The following PAPOLA variants were observed in gnomAD, a reference collection of about 807,000 sequenced individuals.
PAPOLA encodes the protein poly(A) polymerase alpha, also known as polynucleotide adenylyltransferase alpha.
In PAPOLA, 15 loss-of-function variants were observed where a neutral mutation model predicts 100.6. The observed-to-expected ratio is 0.15, with a 90% CI of 0.10 to 0.23. The LOEUF is 0.23. Ranked by LOEUF, PAPOLA falls within the 10% of genes least tolerant of loss-of-function variation. The probability of loss-of-function intolerance (pLI) is 1.00; values close to 1 mark genes in which losing one functional copy is unlikely to be tolerated. For missense variants in PAPOLA, 533 were observed against 884.2 expected, an observed-to-expected ratio of 0.60 and a Z score of 5.04; for synonymous variants, 293 against 300.0, an observed-to-expected ratio of 0.98 and a Z score of 0.24.
At chr14:96,512,405 T>G (rs1479594690) in intron 1 of PAPOLA, among the ~76,000 whole-genome samples, 1 of 152,202 alleles carries the variant, frequency 6.6e-6, no homozygotes, top group Non-Finnish European at 1.5e-5. Context: ...TTTATCTATA[T>G]GACTACATAT....
intron 4 of PAPOLA, chr14:96,527,214 A>G (rs980206918): frequency 8.2e-6 from 4 of 486,226 alleles, no homozygotes; most frequent in Non-Finnish European, 1.1e-5. Context: ...TACTTGGGCC[A>G]CTATAAATAG....
At position 96,565,725 on chromosome 14, in the gene PAPOLA, A is replaced by G. The variant is rs1051118290; in HGVS notation, c.*675A>G. The G allele has an allele frequency of 5.0e-6, 2 of 397,848 alleles. No individual in the cohort carries two copies. Among genetic ancestry groups the G allele is most frequent in the African/African-American group, 2.1e-5 (1 of 48,582 alleles). The allele number at this position is 397,848 out of a possible 1,614,324, so 24.6% of individuals were successfully genotyped here. A position where few individuals can be genotyped will look rare whatever the true frequency, so the allele number is the denominator to read the frequency against. The stretch of plus-strand genomic sequence containing the variant: ...ATGATATATTGGTTTTATTTATGGA[A>G]TTGTTTTATAGTGCATACAAATCAG... On this transcript the variant is annotated 3_prime_UTR_variant, in exon 22 of 22. Transcript: ENST00000216277.
rs985654983 is a variant in PAPOLA, at chr14:96,502,924, A to G, written c.8+324A>G. 2.3e-5 allele frequency: 8 copies of G among 353,256 alleles called. No individual in the cohort carries two copies. The East Asian group carries it at 2.6e-4, about 12-fold the overall frequency. 21.9% of individuals were successfully genotyped at this position (353,256 alleles called of 1,614,324 possible). A position where few individuals can be genotyped will look rare whatever the true frequency, so the allele number is the denominator to read the frequency against. On this transcript the variant is annotated intron_variant, in intron 1 of 21. Transcript: ENST00000216277. ...TCCGCCCCGTCCACAAAGAAAATCAAAACAACCCGAAAACAAAACATTGCC... is the reference window on the plus strand; with the variant it reads ...TCCGCCCCGTCCACAAAGAAAATCAGAACAACCCGAAAACAAAACATTGCC...
chr14:96,561,380 A>G (rs914656389), intron 20 of PAPOLA, among the ~76,000 whole-genome samples: 5 of 152,128 alleles, frequency 3.3e-5, no homozygotes, highest in Admixed American at 2.6e-4. Flanking sequence ...TATGATGGAT[A>G]TTTTAACAAA....
intron 6 of PAPOLA, among the ~76,000 whole-genome samples, chr14:96,530,666 G>A (rs1025532106): frequency 1.3e-5 from 2 of 151,906 alleles, no homozygotes; most frequent in South Asian, 4.2e-4. Flanking sequence ...GACTACCGGC[G>A]GGAGCCACTA....
chr14:96,531,887 T>G, intron 7 of PAPOLA: 1 of 1,364,902 alleles, frequency 7.3e-7, no homozygotes. Flanking sequence ...CAAATTAATT[T>G]TGATCCTGTT....
rs562581383 is a variant in PAPOLA at position 96,532,306 on chromosome 14, G to GTTT, written c.608-18_608-16dup. 22 of 1,250,430 alleles carry GTTT rather than the reference G, an allele frequency of 1.8e-5. No individual in the cohort carries two copies. The Admixed American group carries it at 1.9e-4, about 11-fold the overall frequency. The allele number at this position is 1,250,430 out of a possible 1,614,324, so 77.5% of individuals were successfully genotyped here. On this transcript the variant is annotated intron_variant, in intron 7 of 21. Coordinates refer to ENST00000216277, the MANE Select transcript of PAPOLA (RefSeq NM_032632.5). ...GTTTTGTGTGTGTGTGTGTGTGTGT[G>GTTT]TTTTTTTTTACCCCTATTAATTAGG...
At chr14:96,519,879 G>A (rs1197881712) in intron 1 of PAPOLA, among the ~76,000 whole-genome samples, 176 bp from the exon 2 acceptor site, 2 of 152,180 alleles carry the variant, frequency 1.3e-5, no homozygotes, top group African/African-American at 4.8e-5. Context: ...CCTTGGGGCA[G>A]GATTTTCTCT....
At chr14:96,561,519 C>G (rs978207612) in intron 20 of PAPOLA, among the ~76,000 whole-genome samples, 1 of 152,112 alleles carries the variant, frequency 6.6e-6, no homozygotes, top group East Asian at 1.9e-4. Flanking sequence ...TCATAGAATG[C>G]TGTCTTAAGG....
At chr14:96,521,489 ATTTT>A (rs1215850294) in intron 3 of PAPOLA, among the ~76,000 whole-genome samples, 1 of 151,934 alleles carries the variant, frequency 6.6e-6, no homozygotes, top group Non-Finnish European at 1.5e-5. Context: ...TTATTTATTT[ATTTT>A]TTATTTATTT....
chr14:96,535,059 ATGGT>A (rs767960487), intron 10 of PAPOLA: 64 of 981,266 alleles, frequency 6.5e-5, no homozygotes, highest in Non-Finnish European at 7.6e-5. Flanking sequence ...TTATAAAAAC[ATGGT>A]TGGGCTAAAG....
chr14:96,528,887 A>T (rs1278872581), intron 6 of PAPOLA, among the ~76,000 whole-genome samples: 3 of 152,230 alleles, frequency 2.0e-5, no homozygotes. Context: ...TATCAAGTTC[A>T]TGTAGTTTTG....
In PAPOLA at chr14:96,536,969, A is replaced by T; in HGVS notation, c.1031-7A>T. 1 of 1,544,890 alleles carries T rather than the reference A, an allele frequency of 6.5e-7. No individual in the cohort carries two copies. The highest frequency in any genetic ancestry group is 2.3e-5 in the East Asian group (1 of 44,424). ...TATGCAAACATTTTAATATGTTTTT[A>T]ATTTAGGTCTTGCTATCACAGATGA... On this transcript the variant is annotated splice_polypyrimidine_tract_variant and splice_region_variant and intron_variant, in intron 11 of 21. Transcript: ENST00000216277.
intron 14 of PAPOLA, 91 bp from the exon 15 acceptor site, chr14:96,544,058 G>T: frequency 1.4e-6 from 1 of 740,208 alleles, no homozygotes. Context: ...CATTTGTATT[G>T]TAAGTTTTTC....
rs779714753 is a variant in PAPOLA, at chr14:96,536,044, CG to C, written c.1030+46del. ...CTCTGATTTATACAGGAAGGATTTACGTACCATTGTAGACCCAGTAGTCAGC... is the reference window on the plus strand; with the variant it reads ...CTCTGATTTATACAGGAAGGATTTACTACCATTGTAGACCCAGTAGTCAGC... On this transcript the variant is annotated intron_variant, in intron 11 of 21. Coordinates refer to ENST00000216277, the MANE Select transcript of PAPOLA (RefSeq NM_032632.5). 2.7e-6 allele frequency: 4 copies of C among 1,460,460 alleles called. No individual in the cohort carries two copies. In the African/African-American group the frequency reaches 5.7e-5, roughly 21 times the overall value. 90.5% of individuals were successfully genotyped at this position (1,460,460 alleles called of 1,614,324 possible). A position where few individuals can be genotyped will look rare whatever the true frequency, so the allele number is the denominator to read the frequency against.
At chr14:96,548,037 T>TA (rs1453621650) in intron 16 of PAPOLA, 119 bp downstream of exon 16, 1 of 854,700 alleles carries the variant, frequency 1.2e-6, no homozygotes, top group Non-Finnish European at 1.8e-6. Context: ...GACAGCTTTT[T>TA]AAAAATCTGT....
At chr14:96,560,594 G>T in intron 19 of PAPOLA, 55 bp from the exon 20 acceptor site, 1 of 1,163,866 alleles carries the variant, frequency 8.6e-7, no homozygotes, top group Non-Finnish European at 1.3e-6. Context: ...GCATTGATTG[G>T]CAAATAATCT....
At chr14:96,560,480 A>T in intron 19 of PAPOLA, 169 bp from the exon 20 acceptor site, 1 of 534,934 alleles carries the variant, frequency 1.9e-6, no homozygotes. Context: ...AGCCAAATTT[A>T]ATCTGATAAA....
At chr14:96,550,236 ATTTC>A (rs1254229597) in intron 16 of PAPOLA, among the ~76,000 whole-genome samples, 3 of 152,206 alleles carry the variant, frequency 2.0e-5, no homozygotes, top group African/African-American at 7.2e-5. Flanking sequence ...GAACTTGGCT[ATTTC>A]TTATGAATAT....
Sources: allele counts gnomAD v4.1 joint callset (sites outside exome capture counted in the v4.1 genomes callset), GRCh38; gene constraint gnomAD v4.1.1; transcripts MANE v1.5; gene names NCBI Gene and HGNC (gene_info 2026-07-23, HGNC 2026-07-21).